BCL11A: variants seen among roughly 807,000 people sequenced by gnomAD.
BCL11A encodes B cell CLL/lymphoma 11A.
In BCL11A, 2 loss-of-function variants were observed where a neutral mutation model predicts 55.9. The ratio of observed to expected loss-of-function variants is 0.04; its 90% CI spans 0.01 to 0.11. The LOEUF (loss-of-function observed/expected upper bound fraction) is 0.11, where lower values mean the gene tolerates loss of function less well. Among genes scored for constraint, BCL11A ranks in the 10% least tolerant of loss-of-function variants. BCL11A has a pLI of 1.00. For missense variants in BCL11A, 817 were observed against 1,137.1 expected (o/e 0.72, Z 4.05); for synonymous variants, 465 against 473.4 (o/e 0.98, Z 0.23).
At chr2:60,540,025 T>C (rs773182523) in intron 2 of BCL11A, among the ~76,000 whole-genome samples, 2 of 152,232 alleles carry the variant, frequency 1.3e-5, no homozygotes, top group Admixed American at 6.5e-5. Flanking sequence ...CATTAAATTA[T>C]ATAGTCTGAA....
At chr2:60,495,366 T>C (rs1678886553) in intron 2 of BCL11A, among the ~76,000 whole-genome samples, 2 of 152,252 alleles carry the variant, frequency 1.3e-5, no homozygotes, top group Non-Finnish European at 2.9e-5. Flanking sequence ...TTCTGGCCTA[T>C]GTTATTACCT....
intron 2 of BCL11A, among the ~76,000 whole-genome samples, chr2:60,511,916 G>A (rs1680011953): frequency 6.6e-6 from 1 of 152,094 alleles, no homozygotes; most frequent in African/African-American, 2.4e-5. Context: ...ACGCCCAGTG[G>A]CCCAGGCACT....
chr2:60,545,786 ATATT>A, intron 2 of BCL11A, 181 bp downstream of exon 2: 2 of 604,974 alleles, frequency 3.3e-6, no homozygotes, highest in Non-Finnish European at 5.8e-6. Flanking sequence ...GAGGTGGAAA[ATATT>A]TATTTTTCTG....
chr2:60,483,283 G>A (rs1678065262), intron 2 of BCL11A, among the ~76,000 whole-genome samples: 1 of 152,218 alleles, frequency 6.6e-6, no homozygotes, highest in Non-Finnish European at 1.5e-5. Flanking sequence ...TTGACAAGGG[G>A]AAGACCAGGA....
At chr2:60,533,376 G>A (rs1231229312) in intron 2 of BCL11A, 2 of 152,214 alleles carry the variant, frequency 1.3e-5, no homozygotes, top group Non-Finnish European at 2.9e-5. Flanking sequence ...AGGGGGTGAT[G>A]CAAGATAGAA....
intron 2 of BCL11A, among the ~76,000 whole-genome samples, chr2:60,514,794 G>A (rs1389167186): frequency 6.6e-6 from 1 of 151,140 alleles, no homozygotes; most frequent in East Asian, 1.9e-4. Context: ...ATAAGAGGCT[G>A]TGAATTCCAT....
Position 60,461,139 on chromosome 2 carries a change from G to A in BCL11A, c.1773C>T (p.Ala591=), listed in dbSNP as rs761681869. ...HRDTCDEDSV[A]GESDRIDDGT... is the part of the protein sequence containing the mutation. ...CATCGTCTATGCGGTCCGACTCGCC[G>A]GCCACCGAGTCTTCGTCGCAAGTGT... is the stretch of plus-strand genomic sequence containing the variant. The change falls in exon 4 of 4, where the codon GCC becomes GCT. Residue 591 remains alanine, a synonymous_variant. Coordinates refer to ENST00000642384, the MANE Select transcript of BCL11A (RefSeq NM_022893.4). 8 of 1,611,538 alleles carry A rather than the reference G, an allele frequency of 5.0e-6. No homozygotes were observed. In the South Asian group the frequency reaches 6.6e-5, roughly 13 times the overall value.
rs1670507781 is a variant in BCL11A at position 60,553,482 on chromosome 2, C to CCA, written c.-213_-212insTG. The CCA allele has an allele frequency of 2.8e-5, 1 of 35,116 alleles. No individual in the cohort carries two copies. Among genetic ancestry groups the CCA allele is most frequent in the East Asian group, 1.6e-3 (1 of 630 alleles). 2.2% of individuals were successfully genotyped at this position (35,116 alleles called of 1,614,324 possible). On this transcript the variant is annotated 5_prime_UTR_variant, in exon 1 of 4. Coordinates refer to ENST00000642384, the MANE Select transcript of BCL11A (RefSeq NM_022893.4). ...AGAGCCGTCATGGCTTTTTTTTAAG[C>CCA]AAAAAAAAAAAAAAAAAAAAAAAAA...
Position 60,460,171 on chromosome 2 carries a change from A to G in BCL11A, c.*233T>C. On this transcript the variant is annotated 3_prime_UTR_variant, in exon 4 of 4. Transcript: ENST00000642384. ...TTCAAACGGTGAGAACATAAAGGAA[A>G]AAAAAAAAAAAGGAAAAAGAAAAAA... 2 of 1,106,038 alleles carry G rather than the reference A, an allele frequency of 1.8e-6. No individual in the cohort carries two copies. The highest frequency in any genetic ancestry group is 2.3e-6 in the Non-Finnish European group (2 of 869,048). The allele number at this position is 1,106,038 out of a possible 1,614,324, so 68.5% of individuals were successfully genotyped here.
At chr2:60,485,228 A>G (rs1678203797) in intron 2 of BCL11A, among the ~76,000 whole-genome samples, 2 of 152,318 alleles carry the variant, frequency 1.3e-5, no homozygotes, top group Non-Finnish European at 1.5e-5. Context: ...CCTTGGAGTT[A>G]CTGGCTTATG....
chr2:60,489,833 G>C (rs1042509716), intron 2 of BCL11A, among the ~76,000 whole-genome samples: 4 of 152,114 alleles, frequency 2.6e-5, no homozygotes, highest in African/African-American at 9.7e-5. Context: ...CAAAGCAGGA[G>C]GACACTATTA....
At chr2:60,481,982 T>A in intron 2 of BCL11A, among the ~76,000 whole-genome samples, 1 of 152,204 alleles carries the variant, frequency 6.6e-6, no homozygotes, top group Non-Finnish European at 1.5e-5. Context: ...CTAGTCCTGC[T>A]GTCAAAAGAA....
chr2:60,515,268 AT>A (rs1394756031), intron 2 of BCL11A, among the ~76,000 whole-genome samples: 1 of 152,218 alleles, frequency 6.6e-6, no homozygotes, highest in East Asian at 1.9e-4. Flanking sequence ...GAAGGGGGAA[AT>A]AAACTTGCCC....
chr2:60,457,983 T>A lies in BCL11A; in HGVS notation c.*2421A>T. ...TTTTTTTTTGAAGCATACAAATAAT[T>A]TGCACTATATTATCCTGCCAAATTA... is the stretch of plus-strand genomic sequence containing the variant. On this transcript the variant is annotated 3_prime_UTR_variant, in exon 4 of 4. Coordinates refer to ENST00000642384, the MANE Select transcript of BCL11A (RefSeq NM_022893.4). 3 of 1,037,510 alleles carry A rather than the reference T, an allele frequency of 2.9e-6. No individual in the cohort carries two copies. The highest frequency in any genetic ancestry group is 3.5e-6 in the Non-Finnish European group (3 of 861,574). The allele number at this position is 1,037,510 out of a possible 1,614,324, so 64.3% of individuals were successfully genotyped here.
chr2:60,549,616 C>T (rs1394461630), intron 1 of BCL11A, among the ~76,000 whole-genome samples: 1 of 152,090 alleles, frequency 6.6e-6, no homozygotes, highest in African/African-American at 2.4e-5. Flanking sequence ...GGCCGCGGGG[C>T]CTTGGGGCCC....
downstream of BCL11A, chr2:60,452,942 A>C: frequency 1.2e-5 from 4 of 329,984 alleles, no homozygotes; most frequent in East Asian, 5.7e-5. Flanking sequence ...GTCCTAATAA[A>C]CTCGGGACAC....
chr2:60,504,423 C>T (rs994117209), intron 2 of BCL11A, among the ~76,000 whole-genome samples: 4 of 152,204 alleles, frequency 2.6e-5, no homozygotes, highest in Non-Finnish European at 1.5e-5. Context: ...AACCTTCCTC[C>T]TGGCCAGCCT....
In BCL11A at chr2:60,476,937, G is replaced by T. The variant is rs1040311939; in HGVS notation, c.386-8104C>A. On this transcript the variant is annotated intron_variant, in intron 2 of 3. Transcript: ENST00000642384. Reference sequence around the variant, plus strand: ...GGCCTTCTGAAAGTGGGGCTCAACTGCAATCCATGCCTTTGTAGTTAGAAG... The same window carrying T: ...GGCCTTCTGAAAGTGGGGCTCAACTTCAATCCATGCCTTTGTAGTTAGAAG... 9.2e-5 allele frequency among the ~76,000 whole-genome samples: 14 copies of T among 152,152 alleles called. No individual in the cohort carries two copies. The South Asian group carries it at 1.9e-3, about 20-fold the overall frequency.
At chr2:60,519,032 CTT>C (rs991113024) in intron 2 of BCL11A, among the ~76,000 whole-genome samples, 1 of 152,202 alleles carries the variant, frequency 6.6e-6, no homozygotes, top group Non-Finnish European at 1.5e-5. Context: ...TCTCTCAACT[CTT>C]GAGAGAAAAT....
Sources: gnomAD v4.1 joint callset for allele counts (sites outside exome capture counted in the v4.1 genomes callset) on GRCh38, gnomAD v4.1.1 for gene constraint, MANE v1.5 for transcripts, NCBI Gene and HGNC (gene_info 2026-07-23, HGNC 2026-07-21) for gene names.